The following ZFPM1 variants were observed in gnomAD, a reference collection of about 807,000 sequenced individuals.
The protein encoded by ZFPM1 is zinc finger protein, FOG family member 1.
In ZFPM1, 28 loss-of-function variants were observed where a neutral mutation model predicts 46.3. The observed-to-expected ratio is 0.60, with a 90% CI of 0.45 to 0.83. The LOEUF is 0.83. ZFPM1 is among the 40% of genes least tolerant of loss of function. The probability of loss-of-function intolerance (pLI) is 0.00; values close to 1 mark genes in which losing one functional copy is unlikely to be tolerated. For missense variants in ZFPM1, 1,878 were observed against 1,432.4 expected, an observed-to-expected ratio of 1.31 and a Z score of -5.02; for synonymous variants, 957 against 675.9, an observed-to-expected ratio of 1.42 and a Z score of -6.45.
At chr16:88,500,198 G>A (rs533849137) in intron 3 of ZFPM1, among the ~76,000 whole-genome samples, 4 of 152,210 alleles carry the variant, frequency 2.6e-5, no homozygotes, top group Admixed American at 2.6e-4. Flanking sequence ...CATCTCGGGG[G>A]CAGGCCCACC....
rs74032884 is a variant in ZFPM1 at position 88,471,989 on chromosome 16, C to T, written c.41-13950C>T. 0.027 allele frequency among the ~76,000 whole-genome samples: 4,118 copies of T among 152,326 alleles called. 183 individuals are homozygous for T. The highest frequency in any genetic ancestry group is 0.094 in the African/African-American group (3,904 of 41,566). ...GTGGAGCCAGAAGCCTGGGCCTCCCCGGTAGGAGCCCGGCAGGGCCAAACC... is the reference window on the plus strand; with the variant it reads ...GTGGAGCCAGAAGCCTGGGCCTCCCTGGTAGGAGCCCGGCAGGGCCAAACC... On this transcript the variant is annotated intron_variant, in intron 1 of 9. Coordinates refer to ENST00000319555, the MANE Select transcript of ZFPM1 (RefSeq NM_153813.3). The surrounding 1 kb of genome is among the most constrained non-coding windows in gnomAD (Gnocchi z 4.1).
chr16:88,514,003 T>C (rs1458774643), intron 3 of ZFPM1, among the ~76,000 whole-genome samples: 1 of 152,220 alleles, frequency 6.6e-6, no homozygotes, highest in Non-Finnish European at 1.5e-5. Context: ...AGCACGTTCA[T>C]AGACTGCAGG....
chr16:88,518,183 C>T (rs1021181645), intron 4 of ZFPM1, among the ~76,000 whole-genome samples: 6 of 147,502 alleles, frequency 4.1e-5, no homozygotes, highest in African/African-American at 1.0e-4. Flanking sequence ...CCAGCCTAGG[C>T]GACAGAGCGA....
chr16:88,455,131 G>C (rs1907479091), intron 1 of ZFPM1, among the ~76,000 whole-genome samples: 1 of 126,392 alleles, frequency 7.9e-6, no homozygotes. Context: ...TTCGGTTCTG[G>C]GGTGTGTGTG....
At chr16:88,513,073 C>T (rs1458118928) in intron 3 of ZFPM1, 1 of 152,252 alleles carries the variant, frequency 6.6e-6, no homozygotes, top group East Asian at 1.9e-4. Flanking sequence ...GGACCCCGCT[C>T]ACACTGGTCA....
chr16:88,495,031 G>T (rs1045402384), intron 3 of ZFPM1, among the ~76,000 whole-genome samples: 2 of 152,228 alleles, frequency 1.3e-5, no homozygotes, highest in South Asian at 4.1e-4. Context: ...GCACGCGCTC[G>T]GGAGCAGCTC....
At position 88,471,872 on chromosome 16, in the gene ZFPM1, G is replaced by C. The variant is rs1476681283; in HGVS notation, c.41-14067G>C. On this transcript the variant is annotated intron_variant, in intron 1 of 9. Transcript: ENST00000319555. This position sits in a 1 kb window ranked among gnomAD's most constrained non-coding sequence, Gnocchi z 4.1. Reference sequence around the variant, plus strand: ...GGGCTCTGGGCCTCCGGCTGGCTGTGCACCATGTTCCACTGGGTTATTCCT... The same window carrying C: ...GGGCTCTGGGCCTCCGGCTGGCTGTCCACCATGTTCCACTGGGTTATTCCT... Among the ~76,000 whole-genome samples, 1 of 152,262 alleles carries C rather than the reference G, an allele frequency of 6.6e-6. No individual in the cohort carries two copies. Among genetic ancestry groups the C allele is most frequent in the African/African-American group, 2.4e-5 (1 of 41,466 alleles).
chr16:88,512,290 A>G (rs1309085090), intron 3 of ZFPM1, among the ~76,000 whole-genome samples: 2 of 152,160 alleles, frequency 1.3e-5, no homozygotes, highest in African/African-American at 2.4e-5. Flanking sequence ...CAGGGACCTC[A>G]GCACCCTTGA....
At chr16:88,492,986 G>C (rs1207531871) in intron 3 of ZFPM1, among the ~76,000 whole-genome samples, 18 of 151,908 alleles carry the variant, frequency 1.2e-4, no homozygotes, top group Admixed American at 1.2e-3. Flanking sequence ...GGAGCAGAGA[G>C]CTGTCCCAGG....
At chr16:88,475,502 G>A (rs995469146) in intron 1 of ZFPM1, among the ~76,000 whole-genome samples, 14 of 139,966 alleles carry the variant, frequency 1.0e-4, no homozygotes, top group African/African-American at 3.6e-4. Context: ...CCCTGAGCAG[G>A]GGCAGGGGTC....
Position 88,529,787 on chromosome 16 carries a change from T to G in ZFPM1, c.712+1549T>G, listed in dbSNP as rs114862008. Among the ~76,000 whole-genome samples, 1,174 of 152,276 alleles carry G rather than the reference T, an allele frequency of 7.7e-3. 14 individuals are homozygous for G. The highest frequency in any genetic ancestry group is 0.025 in the African/African-American group (1,035 of 41,546). ...TCGCCATGACCCTGACCGAGGCCGC[T>G]CCAGGGAGGGTCAGAGAGGAGGCCT... On this transcript the variant is annotated intron_variant, in intron 6 of 9. Coordinates refer to ENST00000319555, the MANE Select transcript of ZFPM1 (RefSeq NM_153813.3).
intron 3 of ZFPM1, among the ~76,000 whole-genome samples, chr16:88,490,347 C>T (rs1448559062): frequency 1.3e-5 from 2 of 152,346 alleles, no homozygotes; most frequent in Admixed American, 6.5e-5. Flanking sequence ...CCACCACGCC[C>T]GGCAGCAAGC....
At chr16:88,503,981 C>T (rs915608198) in intron 3 of ZFPM1, among the ~76,000 whole-genome samples, 3 of 147,852 alleles carry the variant, frequency 2.0e-5, no homozygotes, top group African/African-American at 7.5e-5. Flanking sequence ...TGGGTACCAG[C>T]GTCCTCACCA....
At chr16:88,475,791 C>G (rs562841469) in intron 1 of ZFPM1, among the ~76,000 whole-genome samples, 2 of 152,300 alleles carry the variant, frequency 1.3e-5, no homozygotes, top group African/African-American at 4.8e-5. Context: ...CTCAGAGGAG[C>G]CCCAGCATTG....
chr16:88,470,503 A>G (rs796211939), intron 1 of ZFPM1, among the ~76,000 whole-genome samples: 501 of 121,438 alleles, frequency 4.1e-3, no homozygotes, highest in Middle Eastern at 0.039. Context: ...GGGTGGTGAC[A>G]CTCAGTGACA....
At position 88,507,835 on chromosome 16, in the gene ZFPM1, C is replaced by A. The variant is rs546361824; in HGVS notation, c.269-6552C>A. Among the ~76,000 whole-genome samples the A allele has an allele frequency of 9.2e-5, 14 of 152,302 alleles. No homozygotes were observed. The East Asian group carries it at 2.3e-3, about 25-fold the overall frequency. ...TGTGAGGCCCCTCTGCAGATGGGCCCAGCCCCACAGCCCTCCTGGGAGGAT... is the reference window on the plus strand; with the variant it reads ...TGTGAGGCCCCTCTGCAGATGGGCCAAGCCCCACAGCCCTCCTGGGAGGAT... On this transcript the variant is annotated intron_variant, in intron 3 of 9. Transcript: ENST00000319555.
Position 88,482,660 on chromosome 16 carries a change from G to T in ZFPM1, c.41-3279G>T, listed in dbSNP as rs146225938. Among the ~76,000 whole-genome samples the T allele has an allele frequency of 6.4e-4, 98 of 152,256 alleles. 1 individual carries two copies. In the East Asian group the frequency reaches 0.013, roughly 20 times the overall value. Reference sequence around the variant, plus strand: ...CTGTGGGCCCCAGCCCCAGTGCTCTGGTCCCCGAAGTCCCTGAAGGCAGGT... The same window carrying T: ...CTGTGGGCCCCAGCCCCAGTGCTCTTGTCCCCGAAGTCCCTGAAGGCAGGT... On this transcript the variant is annotated intron_variant, in intron 1 of 9. Coordinates refer to ENST00000319555, the MANE Select transcript of ZFPM1 (RefSeq NM_153813.3).
intron 4 of ZFPM1, among the ~76,000 whole-genome samples, chr16:88,523,119 T>A (rs183494006): frequency 6.6e-6 from 1 of 151,638 alleles, no homozygotes; most frequent in Non-Finnish European, 1.5e-5. Flanking sequence ...GGCAGGAGAA[T>A]TGCTTGAACC....
intron 3 of ZFPM1, among the ~76,000 whole-genome samples, chr16:88,494,005 GT>G (rs1351362534): frequency 6.6e-6 from 1 of 152,164 alleles, no homozygotes; most frequent in Non-Finnish European, 1.5e-5. Context: ...CCAGGCCTCA[GT>G]TTCCGCATCT....
Sources: gnomAD v4.1 joint callset for allele counts (sites outside exome capture counted in the v4.1 genomes callset) on GRCh38, gnomAD v4.1.1 for gene constraint, Gnocchi (gnomAD v3.1) non-coding constraint, MANE v1.5 for transcripts, NCBI Gene and HGNC (gene_info 2026-07-23, HGNC 2026-07-21) for gene names.